Variants in KANK1 observed in about 807,000 individuals in gnomAD.
The protein encoded by KANK1 is KN motif and ankyrin repeat domain-containing protein 1.
In KANK1, 109 loss-of-function variants were observed where a neutral mutation model predicts 106.2. The observed-to-expected ratio is 1.03, with a 90% CI of 0.88 to 1.20. KANK1 has a LOEUF of 1.20. Ranked by LOEUF, KANK1 falls within the 50% of genes most tolerant of loss-of-function variation. The pLI is 0.00. For synonymous variants in KANK1, 873 were observed against 652.2 expected (o/e 1.34, Z -5.16); for missense variants, 2,399 against 1,710.7 (o/e 1.40, Z -7.10).
chr9:560,987 C>T (rs1180438176), intron 1 of KANK1, among the ~76,000 whole-genome samples: 2 of 152,124 alleles, frequency 1.3e-5, no homozygotes, highest in South Asian at 2.1e-4. Context: ...TTTAATGGCA[C>T]AGTACTCAGA....
chr9:597,180 A>G (rs1602979), intron 1 of KANK1, among the ~76,000 whole-genome samples: 49,846 of 151,634 alleles, frequency 0.33, 10,664 homozygotes, highest in South Asian at 0.55. Context: ...TAAGGCTGCT[A>G]TGAACATGGG....
intron 1 of KANK1, among the ~76,000 whole-genome samples, chr9:563,770 G>A (rs73371075): frequency 0.036 from 5,471 of 152,154 alleles, 316 homozygotes; most frequent in African/African-American, 0.12. Flanking sequence ...AATGTTTAGG[G>A]ACCACTGACG....
chr9:734,890 T>A (rs560144501), intron 7 of KANK1, 55 bp downstream of exon 7: 1 of 1,326,290 alleles, frequency 7.5e-7, no homozygotes, highest in African/African-American at 1.4e-5. Flanking sequence ...ATGAGTGGGT[T>A]CATTGTCAAG....
chr9:677,080 A>G, intron 2 of KANK1, 71 bp downstream of exon 2: 1 of 1,380,938 alleles, frequency 7.2e-7, no homozygotes, highest in Non-Finnish European at 1.0e-6. Flanking sequence ...ATTCTCTTTA[A>G]TAATGAACGG....
At chr9:657,517 G>A (rs1026436426) in intron 1 of KANK1, among the ~76,000 whole-genome samples, 2 of 151,970 alleles carry the variant, frequency 1.3e-5, no homozygotes, top group African/African-American at 2.4e-5. Context: ...TAGGGTTCCA[G>A]TTTCTCTACA....
chr9:593,739 A>G (rs917885615), intron 1 of KANK1, among the ~76,000 whole-genome samples: 7 of 151,890 alleles, frequency 4.6e-5, no homozygotes, highest in Non-Finnish European at 1.0e-4. Context: ...CGACAGAGGA[A>G]GAAATGGAGA....
At position 712,746 on chromosome 9, in the gene KANK1, T is replaced by C. The variant is rs775996882; in HGVS notation, c.1980T>C (p.Ala660=). 1.2e-5 allele frequency: 20 copies of C among 1,613,950 alleles called. No homozygotes were observed. Among genetic ancestry groups the C allele is most frequent in the Non-Finnish European group, 1.7e-5 (20 of 1,179,946 alleles). The change falls in exon 3 of 12, where the codon GCT becomes GCC. Residue 660 remains alanine, a synonymous_variant. Transcript: ENST00000382297. ...CTGAGGCTGTTAGCCAGGTGGAAGC[T>C]GCCGTCATGGCAGTGCCTCGTACTG... ...VNTEAVSQVE[A]AVMAVPRTAD...
At chr9:497,877 A>T (rs1016719114) in intron 3 of KANK1, among the ~76,000 whole-genome samples, 3 of 152,074 alleles carry the variant, frequency 2.0e-5, no homozygotes, top group Non-Finnish European at 4.4e-5. Context: ...ACACACCCAC[A>T]CACACAAGAG....
intron 2 of KANK1, among the ~76,000 whole-genome samples, chr9:704,010 G>A (rs1366882291): frequency 3.3e-5 from 5 of 152,160 alleles, no homozygotes; most frequent in African/African-American, 1.2e-4. Flanking sequence ...CACTGTGCCC[G>A]GCCAAAACTG....
At chr9:508,348 G>T (rs981008834) in intron 1 of KANK1, among the ~76,000 whole-genome samples, 10 of 151,910 alleles carry the variant, frequency 6.6e-5, no homozygotes, top group Admixed American at 4.6e-4. Flanking sequence ...TGTTGGTCAG[G>T]CTGGTCTCGA....
rs772998377 is a variant in KANK1 at position 712,234 on chromosome 9, CAA to C, written c.1469_1470del (p.Gln490ArgfsTer12). 30 of 1,614,002 alleles carry C rather than the reference CAA, an allele frequency of 1.9e-5. No homozygotes were observed. The highest frequency in any genetic ancestry group is 2.5e-5 in the Non-Finnish European group (29 of 1,180,012). ...THDREMTKLK[Q>X]ELQAAGSRKK... ...TGACCGGGAGATGACTAAACTGAAA[CAA>C]GAGCTGCAGGCTGCTGGATCGAGGA... On this transcript the variant is annotated frameshift_variant, in exon 3 of 12. Coordinates refer to ENST00000382297, the MANE Select transcript of KANK1 (RefSeq NM_015158.5). LOFTEE classifies it high-confidence loss of function.
intron 1 of KANK1, among the ~76,000 whole-genome samples, chr9:551,378 A>T (rs2061272983): frequency 6.6e-6 from 1 of 151,966 alleles, no homozygotes; most frequent in African/African-American, 2.4e-5. Flanking sequence ...CAAATTTTGA[A>T]TCTGAAGTTA....
intron 2 of KANK1, among the ~76,000 whole-genome samples, chr9:690,556 C>T (rs1278029864): frequency 5.9e-5 from 9 of 151,768 alleles, no homozygotes; most frequent in Non-Finnish European, 1.3e-4. Flanking sequence ...AAGAATTGTG[C>T]ACAGTGGGTG....
rs529004085 is a variant in KANK1 at position 619,002 on chromosome 9, G to A, written c.-83-57888G>A. Among the ~76,000 whole-genome samples, 5 of 152,260 alleles carry A rather than the reference G, an allele frequency of 3.3e-5. No individual in the cohort carries two copies. The South Asian group carries it at 1.0e-3, about 32-fold the overall frequency. Reference sequence around the variant, plus strand: ...GACTTAAGAAAATGTTTTTAAATGTGGACTCTACATTTTATGAACTTAAAT... The same window carrying A: ...GACTTAAGAAAATGTTTTTAAATGTAGACTCTACATTTTATGAACTTAAAT... On this transcript the variant is annotated intron_variant, in intron 1 of 11. Transcript: ENST00000382297.
chr9:591,403 A>G (rs898744867), intron 1 of KANK1, among the ~76,000 whole-genome samples: 3 of 151,788 alleles, frequency 2.0e-5, no homozygotes, highest in African/African-American at 7.3e-5. Context: ...ACATCTTGGC[A>G]TACCCCTGCC....
At chr9:523,456 A>G (rs752466195) in intron 1 of KANK1, among the ~76,000 whole-genome samples, 2 of 151,626 alleles carry the variant, frequency 1.3e-5, no homozygotes, top group African/African-American at 4.9e-5. Flanking sequence ...TTCCCTTGCA[A>G]TCCATTCTCA....
At chr9:554,125 G>A (rs1248523488) in intron 1 of KANK1, among the ~76,000 whole-genome samples, 4 of 152,176 alleles carry the variant, frequency 2.6e-5, no homozygotes, top group Admixed American at 6.5e-5. Flanking sequence ...ATGTGATTAC[G>A]AAGGCCAGGA....
At position 711,993 on chromosome 9, in the gene KANK1, G is replaced by A. The variant is rs956345439; in HGVS notation, c.1227G>A (p.Met409Ile). 6 of 1,614,080 alleles carry A rather than the reference G, an allele frequency of 3.7e-6. No individual in the cohort carries two copies. Among genetic ancestry groups the A allele is most frequent in the Non-Finnish European group, 4.2e-6 (5 of 1,180,046 alleles). The change falls in exon 3 of 12, where the codon ATG becomes ATA. Residue 409 changes from methionine to isoleucine, a missense_variant. Physicochemically the swap from Met to Ile is conservative, Grantham distance 10. Transcript: ENST00000382297. ...TGGCTGTGGGTGCCGAGGAGAACATGAACGACATCGTCGTGTACCACAGAG... is the reference window on the plus strand; with the variant it reads ...TGGCTGTGGGTGCCGAGGAGAACATAAACGACATCGTCGTGTACCACAGAG... Reference protein sequence around the residue: ...RSVAVGAEENMNDIVVYHRGS... With the variant: ...RSVAVGAEENINDIVVYHRGS...
At chr9:684,193 C>T in intron 2 of KANK1, 1 of 985,376 alleles carries the variant, frequency 1.0e-6, no homozygotes, top group Non-Finnish European at 1.2e-6. Context: ...AGCCTTGAGC[C>T]AGTCATAATG....
Sources: gnomAD v4.1 joint callset for allele counts (sites outside exome capture counted in the v4.1 genomes callset) on GRCh38, gnomAD v4.1.1 for gene constraint, MANE v1.5 for transcripts, NCBI Gene and HGNC (gene_info 2026-07-23, HGNC 2026-07-21) for gene names.